The following BTBD9 variants were observed in gnomAD, a reference collection of about 807,000 sequenced individuals.
BTBD9 encodes the protein BTB domain containing 9.
Under a neutral mutation model 64.3 loss-of-function variants are expected in BTBD9, and 49 were observed. The ratio of observed to expected loss-of-function variants is 0.76; its 90% CI spans 0.61 to 0.97. The LOEUF is 0.97. Ranked by LOEUF, BTBD9 falls within the 50% of genes least tolerant of loss-of-function variation. The pLI, the probability that BTBD9 is intolerant of heterozygous loss-of-function variation, is 0.00. For synonymous variants in BTBD9, 260 were observed against 274.7 expected, an observed-to-expected ratio of 0.95 and a Z score of 0.53; for missense variants, 598 against 762.1, an observed-to-expected ratio of 0.78 and a Z score of 2.53.
At chr6:38,328,563 CCGTGTG>C (rs1165283550) in intron 7 of BTBD9, among the ~76,000 whole-genome samples, 1 of 95,804 alleles carries the variant, frequency 1.0e-5, no homozygotes, top group Non-Finnish European at 1.9e-5. Context: ...ATTTAAGCCA[CCGTGTG>C]TGTGTGTGTG....
intron 9 of BTBD9, chr6:38,193,768 T>C: frequency 1.0e-6 from 1 of 979,146 alleles, no homozygotes; most frequent in Non-Finnish European, 1.2e-6. Flanking sequence ...AATTGTCTAA[T>C]TACCAAGTAA....
At chr6:38,582,824 A>T (rs1308623546) in intron 4 of BTBD9, among the ~76,000 whole-genome samples, 1 of 152,204 alleles carries the variant, frequency 6.6e-6, no homozygotes, top group Non-Finnish European at 1.5e-5. Context: ...ACTGTAAAAA[A>T]TACACTACAG....
At chr6:38,344,693 G>C (rs1764214729) in intron 7 of BTBD9, among the ~76,000 whole-genome samples, 1 of 152,154 alleles carries the variant, frequency 6.6e-6, no homozygotes, top group Admixed American at 6.5e-5. Flanking sequence ...GGTGTGAGGG[G>C]CTTCACCTGA....
At chr6:38,441,993 A>T (rs1479742842) in intron 6 of BTBD9, among the ~76,000 whole-genome samples, 1 of 152,116 alleles carries the variant, frequency 6.6e-6, no homozygotes, top group Non-Finnish European at 1.5e-5. Flanking sequence ...TCCTCCCAAA[A>T]TTCCCGAGAT....
At chr6:38,515,799 C>T (rs1773000111) in intron 6 of BTBD9, among the ~76,000 whole-genome samples, 1 of 152,162 alleles carries the variant, frequency 6.6e-6, no homozygotes, top group African/African-American at 2.4e-5. Flanking sequence ...AGCCTTTACA[C>T]ATGAAAAGCA....
intron 9 of BTBD9, among the ~76,000 whole-genome samples, chr6:38,239,221 C>G (rs531812616): frequency 2.0e-5 from 3 of 152,010 alleles, no homozygotes; most frequent in Non-Finnish European, 4.4e-5. Context: ...GTGGACAGAT[C>G]ACGAGGTCAA....
At chr6:38,189,128 G>C (rs1220389365) in intron 10 of BTBD9, among the ~76,000 whole-genome samples, 1 of 152,148 alleles carries the variant, frequency 6.6e-6, no homozygotes, top group Non-Finnish European at 1.5e-5. Context: ...TGTTTTTGAT[G>C]GCACAGTTCT....
At chr6:38,238,479 T>TG (rs1227167225) in intron 9 of BTBD9, among the ~76,000 whole-genome samples, 3 of 148,360 alleles carry the variant, frequency 2.0e-5, no homozygotes, top group East Asian at 4.0e-4. Context: ...GGTTTTTTGT[T>TG]TTTTTTTTTT....
intron 9 of BTBD9, among the ~76,000 whole-genome samples, chr6:38,217,976 A>AT (rs1048237753): frequency 6.6e-6 from 1 of 152,114 alleles, no homozygotes; most frequent in Non-Finnish European, 1.5e-5. Context: ...CCTCCCTTAC[A>AT]TGCTAAGTCT....
intron 6 of BTBD9, among the ~76,000 whole-genome samples, chr6:38,404,969 T>C (rs1427614025): frequency 1.3e-5 from 2 of 152,204 alleles, no homozygotes; most frequent in African/African-American, 4.8e-5. Flanking sequence ...TAGGAAATAT[T>C]ACTGTCATCA....
rs188959208 is a variant in BTBD9, at chr6:38,505,352, C to T, written c.1154+72248G>A. Among the ~76,000 whole-genome samples, 24 of 152,258 alleles carry T rather than the reference C, an allele frequency of 1.6e-4. No homozygotes were observed. The East Asian group carries it at 2.7e-3, about 17-fold the overall frequency. On this transcript the variant is annotated intron_variant, in intron 6 of 10. Transcript: ENST00000481247. The stretch of plus-strand genomic sequence containing the variant: ...TAAAATCCCCTATGGAGGCCAGGTG[C>T]GGTGGCTCACACCTGTCATCCCAGC...
At chr6:38,523,937 C>T (rs1331711374) in intron 6 of BTBD9, among the ~76,000 whole-genome samples, 1 of 152,186 alleles carries the variant, frequency 6.6e-6, no homozygotes, top group Non-Finnish European at 1.5e-5. Flanking sequence ...CTGTGTTCTG[C>T]TGCCTATGTG....
chr6:38,574,806 C>A (rs2814892), intron 6 of BTBD9, among the ~76,000 whole-genome samples: 181 of 152,200 alleles, frequency 1.2e-3, no homozygotes, highest in African/African-American at 4.3e-3. Context: ...AACTCCACAG[C>A]CCATTGTTTT....
rs915484409 is a variant in BTBD9 at position 38,430,355 on chromosome 6, GA to G, written c.1155-85263del. Reference sequence around the variant, plus strand: ...TTGCCTAACCCTCCCAACTAGCTGGGATCACAGGCTTGTGCCACACCACACC... The same window carrying G: ...TTGCCTAACCCTCCCAACTAGCTGGGTCACAGGCTTGTGCCACACCACACC... On this transcript the variant is annotated intron_variant, in intron 6 of 10. Transcript: ENST00000481247. 3.2e-4 allele frequency among the ~76,000 whole-genome samples: 48 copies of G among 151,226 alleles called. 1 individual carries two copies. The highest frequency in any genetic ancestry group is 1.1e-3 in the African/African-American group (45 of 40,896).
In BTBD9 at chr6:38,558,631, G is replaced by T. The variant is rs546216879; in HGVS notation, c.1154+18969C>A. On this transcript the variant is annotated intron_variant, in intron 6 of 10. Coordinates refer to ENST00000481247, the MANE Select transcript of BTBD9 (RefSeq NM_001099272.2). Reference sequence around the variant, plus strand: ...TGTTGGATTTTACCAAAAGCTTTCTGTGCATCTATTAAGATGATCGTATGT... The same window carrying T: ...TGTTGGATTTTACCAAAAGCTTTCTTTGCATCTATTAAGATGATCGTATGT... Among the ~76,000 whole-genome samples, 11 of 152,250 alleles carry T rather than the reference G, an allele frequency of 7.2e-5. No individual in the cohort carries two copies. The South Asian group carries it at 2.3e-3, about 32-fold the overall frequency.
Position 38,538,886 on chromosome 6 carries a change from T to G in BTBD9, c.1154+38714A>C, listed in dbSNP as rs142571887. Among the ~76,000 whole-genome samples, 90 of 152,076 alleles carry G rather than the reference T, an allele frequency of 5.9e-4. 1 individual carries two copies. Among genetic ancestry groups the G allele is most frequent in the Middle Eastern group, 3.4e-3 (1 of 294 alleles). On this transcript the variant is annotated intron_variant, in intron 6 of 10. Transcript: ENST00000481247. ...GCAACCTCTGTCTCCCAAGCTCATG[T>G]GATCCCTACACCTCAGCCTCTTGAG...
chr6:38,174,895 G>A lies in BTBD9; in HGVS notation c.*90C>T. On this transcript the variant is annotated 3_prime_UTR_variant, in exon 11 of 11. Coordinates refer to ENST00000481247, the MANE Select transcript of BTBD9 (RefSeq NM_001099272.2). ...TCCTCCCTGGAAAGGGGCAGAGGTGGGGGCAGTCAACAGAGACCCCTGCTC... is the reference window on the plus strand; with the variant it reads ...TCCTCCCTGGAAAGGGGCAGAGGTGAGGGCAGTCAACAGAGACCCCTGCTC... The A allele has an allele frequency of 6.8e-7, 1 of 1,471,106 alleles. No homozygotes were observed. The highest frequency in any genetic ancestry group is 1.2e-5 in the South Asian group (1 of 84,048). 91.1% of individuals were successfully genotyped at this position (1,471,106 alleles called of 1,614,324 possible).
intron 6 of BTBD9, among the ~76,000 whole-genome samples, chr6:38,541,630 C>T (rs538962178): frequency 3.9e-5 from 6 of 152,154 alleles, no homozygotes; most frequent in African/African-American, 1.4e-4. Flanking sequence ...CCCAGGTAGT[C>T]GGGAGGCTGA....
intron 9 of BTBD9, among the ~76,000 whole-genome samples, chr6:38,248,118 A>G (rs1372315194): frequency 6.6e-6 from 1 of 152,120 alleles, no homozygotes; most frequent in Non-Finnish European, 1.5e-5. Flanking sequence ...TTATGATAAC[A>G]CTTCTATAAT....
Sources: gnomAD v4.1 joint callset for allele counts (sites outside exome capture counted in the v4.1 genomes callset) on GRCh38, gnomAD v4.1.1 for gene constraint, MANE v1.5 for transcripts, NCBI Gene and HGNC (gene_info 2026-07-23, HGNC 2026-07-21) for gene names.